Variants in GPC6 observed in about 807,000 individuals in gnomAD.
GPC6 encodes the protein glypican-6.
Under a neutral mutation model 55.2 loss-of-function variants are expected in GPC6, and 14 were observed. The ratio of observed to expected loss-of-function variants is 0.25; its 90% CI spans 0.17 to 0.40. The LOEUF (loss-of-function observed/expected upper bound fraction) is 0.40, where lower values mean the gene tolerates loss of function less well. Among genes scored for constraint, GPC6 ranks in the 10% least tolerant of loss-of-function variants. The pLI is 1.00. For missense variants in GPC6, 641 were observed against 708.5 expected (o/e 0.90, Z 1.08); for synonymous variants, 278 against 259.6 (o/e 1.07, Z -0.68).
chr13:93,663,872 G>T (rs1164230686), intron 2 of GPC6, among the ~76,000 whole-genome samples: 2 of 152,174 alleles, frequency 1.3e-5, no homozygotes, highest in Non-Finnish European at 2.9e-5. Context: ...AGCTGAACCA[G>T]TTAGGCTATA....
intron 6 of GPC6, among the ~76,000 whole-genome samples, chr13:94,323,832 C>G (rs557305460): frequency 1.3e-5 from 2 of 152,258 alleles, no homozygotes; most frequent in African/African-American, 4.8e-5. Context: ...TTCATTTATT[C>G]AGTGACTCTT....
chr13:94,220,087 G>A (rs938585452), intron 4 of GPC6, among the ~76,000 whole-genome samples: 15 of 152,068 alleles, frequency 9.9e-5, no homozygotes, highest in Non-Finnish European at 2.1e-4. Flanking sequence ...CTAGATTTCT[G>A]TACCAATGAG....
At chr13:93,489,125 T>G (rs1483058916) in intron 1 of GPC6, among the ~76,000 whole-genome samples, 1 of 151,544 alleles carries the variant, frequency 6.6e-6, no homozygotes, top group Non-Finnish European at 1.5e-5. Flanking sequence ...AAGTCTTTAA[T>G]CCATCTTGAA....
In GPC6 at chr13:93,837,269, C is replaced by T. The variant is rs139922444; in HGVS notation, c.711+6724C>T. ...TCAGTTAAAACAACCACCTGTCTCT[C>T]CACTGAATCTGATTTTGAAGTTTTA... On this transcript the variant is annotated intron_variant, in intron 3 of 8. Transcript: ENST00000377047. Among the ~76,000 whole-genome samples, 854 of 152,266 alleles carry T rather than the reference C, an allele frequency of 5.6e-3. 2 individuals carry two copies. Among genetic ancestry groups the T allele is most frequent in the Admixed American group, 0.01 (160 of 15,302 alleles).
At chr13:93,612,119 C>G (rs1053712953) in intron 2 of GPC6, among the ~76,000 whole-genome samples, 1 of 152,102 alleles carries the variant, frequency 6.6e-6, no homozygotes, top group Non-Finnish European at 1.5e-5. Context: ...TATAATACCT[C>G]CCAAAAAATA....
intron 3 of GPC6, 112 bp downstream of exon 3, chr13:93,830,657 A>C: frequency 1.1e-6 from 1 of 929,884 alleles, no homozygotes. Context: ...AAAATTCTTA[A>C]TTGGTGGTCC....
intron 5 of GPC6, among the ~76,000 whole-genome samples, chr13:94,288,804 T>TG (rs1322118006): frequency 4.7e-5 from 4 of 85,308 alleles, no homozygotes; most frequent in Non-Finnish European, 8.2e-5. Flanking sequence ...TATATATATT[T>TG]GTTATATATA....
intron 4 of GPC6, among the ~76,000 whole-genome samples, chr13:94,122,184 A>AT (rs910878579): frequency 2.2e-4 from 33 of 151,912 alleles, no homozygotes; most frequent in Non-Finnish European, 4.1e-4. Context: ...GAAAGCCACA[A>AT]TTTTTTTTAA....
intron 1 of GPC6, among the ~76,000 whole-genome samples, chr13:93,497,179 A>G (rs1880335811): frequency 6.6e-6 from 1 of 152,204 alleles, no homozygotes; most frequent in Admixed American, 6.5e-5. Context: ...GTTTCATGAA[A>G]GCATAATGTT....
intron 4 of GPC6, among the ~76,000 whole-genome samples, chr13:94,126,328 A>G (rs1886811462): frequency 6.6e-6 from 1 of 152,196 alleles, no homozygotes; most frequent in Non-Finnish European, 1.5e-5. Flanking sequence ...GGCTGCAGTG[A>G]GCTCTGATCA....
chr13:93,583,338 T>TTGTGTGTGTGTGTGTGTGTG (rs34034260), intron 2 of GPC6, among the ~76,000 whole-genome samples: 37 of 151,564 alleles, frequency 2.4e-4, no homozygotes, highest in African/African-American at 8.7e-4. Flanking sequence ...GTAATGCACA[T>TTGTGTGTGTGTGTGTGTGTG]TGTGTGTGTG....
intron 1 of GPC6, among the ~76,000 whole-genome samples, chr13:93,288,816 A>C (rs1022914367): frequency 6.6e-5 from 10 of 152,198 alleles, no homozygotes; most frequent in African/African-American, 2.4e-4. Flanking sequence ...AGCAATAAAT[A>C]CTTAGCCCAC....
At position 93,899,415 on chromosome 13, in the gene GPC6, G is replaced by A. The variant is rs114311016; in HGVS notation, c.711+68870G>A. ...AGTGAAACTTAAGCAGAGTCTTGAA[G>A]GATGGGTAAGAAGACATAGTTGGAT... On this transcript the variant is annotated intron_variant, in intron 3 of 8. Transcript: ENST00000377047. Among the ~76,000 whole-genome samples the A allele has an allele frequency of 4.0e-3, 601 of 151,366 alleles. 1 individual carries two copies. The highest frequency in any genetic ancestry group is 0.013 in the African/African-American group (554 of 41,268).
At chr13:93,477,293 C>T (rs1473219144) in intron 1 of GPC6, among the ~76,000 whole-genome samples, 2 of 152,056 alleles carry the variant, frequency 1.3e-5, no homozygotes, top group Non-Finnish European at 2.9e-5. Flanking sequence ...TTTGTAAATT[C>T]AAATTGTGTA....
intron 1 of GPC6, among the ~76,000 whole-genome samples, chr13:93,257,518 G>A (rs1036601789): frequency 2.0e-5 from 3 of 152,156 alleles, no homozygotes. Context: ...TTAAAAAGAG[G>A]CTTCATGTTG....
chr13:93,470,698 A>G (rs1255061163), intron 1 of GPC6, among the ~76,000 whole-genome samples: 1 of 152,038 alleles, frequency 6.6e-6, no homozygotes, highest in African/African-American at 2.4e-5. Flanking sequence ...TTTCTGAAAT[A>G]AATTTTATAA....
intron 3 of GPC6, among the ~76,000 whole-genome samples, chr13:93,986,310 C>A (rs188206134): frequency 6.6e-6 from 1 of 152,126 alleles, no homozygotes; most frequent in South Asian, 2.1e-4. Context: ...ACATTCAACT[C>A]TGTGATCTTA....
At chr13:94,401,927 A>AT (rs1881148242) in intron 8 of GPC6, among the ~76,000 whole-genome samples, 1 of 150,344 alleles carries the variant, frequency 6.7e-6, no homozygotes, top group Admixed American at 6.6e-5. Context: ...GCCAGACCCT[A>AT]TGATTGATTG....
intron 3 of GPC6, among the ~76,000 whole-genome samples, chr13:93,929,960 G>A (rs1195284835): frequency 6.6e-6 from 1 of 151,970 alleles, no homozygotes; most frequent in East Asian, 1.9e-4. Context: ...GCACAATCTT[G>A]ATCATTGTCA....
Sources: allele counts gnomAD v4.1 joint callset (sites outside exome capture counted in the v4.1 genomes callset), GRCh38; gene constraint gnomAD v4.1.1; transcripts MANE v1.5; gene names NCBI Gene and HGNC (gene_info 2026-07-23, HGNC 2026-07-21).